The following ICE2 variants were observed in gnomAD, a reference collection of about 807,000 sequenced individuals.
ICE2 encodes the protein interactor of little elongation complex ELL subunit 2.
A neutral mutation model predicts 105.4 loss-of-function variants in ICE2; 87 were observed. That is an observed-to-expected ratio of 0.83 (90% CI 0.69 to 0.99). The LOEUF (loss-of-function observed/expected upper bound fraction) is 0.99, where lower values mean the gene tolerates loss of function less well. Among genes scored for constraint, ICE2 ranks in the 50% least tolerant of loss-of-function variants. The pLI, the probability that ICE2 is intolerant of heterozygous loss-of-function variation, is 0.00. For synonymous variants in ICE2, 399 were observed against 392.0 expected (o/e 1.02, Z -0.21); for missense variants, 1,323 against 1,146.7 (o/e 1.15, Z -2.22).
In ICE2 at chr15:60,453,735, C is replaced by T. The variant is rs146039777; in HGVS notation, c.993G>A (p.Lys331=). Residue 331 remains lysine, a synonymous_variant, in exon 9 of 16, where the codon AAG becomes AAA. Transcript: ENST00000261520. ...GATTTCTCTCTCTCATAGTCATTTT[C>T]TTTTGGGGAAGTGGTGAATTAATAT... The part of the protein sequence containing the change: ...VIYINSPLPQ[K]KMTMRERNQI... 1.4e-5 allele frequency: 22 copies of T among 1,603,664 alleles called. No individual in the cohort carries two copies. In the African/African-American group the frequency reaches 2.0e-4, roughly 15 times the overall value.
Position 60,468,196 on chromosome 15 carries a change from T to A in ICE2, c.273A>T (p.Arg91Ser). Residue 91 changes from arginine (R) to serine (S), a missense_variant, in exon 4 of 16, where the codon AGA becomes AGT. Transcript: ENST00000261520. Reference sequence around the variant, plus strand: ...AACGAGAGAAACGAGGATAAGGAACTCTTGGTTTTGGAAGAAGAACCATTC... The same window carrying A: ...AACGAGAGAAACGAGGATAAGGAACACTTGGTTTTGGAAGAAGAACCATTC... The part of the protein sequence containing the change: ...TIGMVLLPKP[R>S]VPYPRFSRFS... The A allele has an allele frequency of 6.2e-7, 1 of 1,614,104 alleles. No homozygotes were observed. The highest frequency in any genetic ancestry group is 1.1e-5 in the South Asian group (1 of 91,086).
chr15:60,443,774 CA>C (rs1484942278), intron 11 of ICE2, among the ~76,000 whole-genome samples: 1 of 152,124 alleles, frequency 6.6e-6, no homozygotes, highest in Non-Finnish European at 1.5e-5. Context: ...CTCATAACTT[CA>C]GAGCAAATAG....
chr15:60,467,777 T>C (rs546743073), intron 4 of ICE2, among the ~76,000 whole-genome samples: 3 of 152,330 alleles, frequency 2.0e-5, no homozygotes, highest in African/African-American at 7.2e-5. Flanking sequence ...GGAAATGTCT[T>C]AATTGAAATA....
chr15:60,438,428 T>A (rs1265348396), intron 12 of ICE2: 4 of 152,196 alleles, frequency 2.6e-5, no homozygotes, highest in African/African-American at 7.2e-5. Flanking sequence ...CCAGATGGCT[T>A]CCTTCTAAGA....
intron 13 of ICE2, 115 bp downstream of exon 13, chr15:60,436,028 T>C (rs1298362791): frequency 4.0e-6 from 2 of 494,290 alleles, no homozygotes; most frequent in African/African-American, 2.0e-5. Context: ...GAGACCTCTA[T>C]ACATAAAAAG....
Position 60,423,547 on chromosome 15 carries a change from T to C in ICE2, c.*87A>G. ...GCTACTACAGGAAAAATGTTCCTCT[T>C]GCCTACTGATTATTTTCCCTCAAAC... is the stretch of plus-strand genomic sequence containing the variant. On this transcript the variant is annotated 3_prime_UTR_variant, in exon 16 of 16. Transcript: ENST00000261520. The C allele has an allele frequency of 7.7e-7, 1 of 1,290,884 alleles. No individual in the cohort carries two copies. 80.0% of individuals were successfully genotyped at this position (1,290,884 alleles called of 1,614,324 possible). A position where few individuals can be genotyped will look rare whatever the true frequency, so the allele number is the denominator to read the frequency against.
intron 3 of ICE2, among the ~76,000 whole-genome samples, chr15:60,472,887 AAAAGAGAAAGGCTG>A (rs1219969582): frequency 6.6e-6 from 1 of 152,194 alleles, no homozygotes; most frequent in Non-Finnish European, 1.5e-5. Context: ...TTTTAGTGTG[AAAAGAGAAAGGCTG>A]AGAGAAAAGT....
At chr15:60,446,554 C>A (rs1236480282) in intron 11 of ICE2, among the ~76,000 whole-genome samples, 1 of 152,156 alleles carries the variant, frequency 6.6e-6, no homozygotes, top group African/African-American at 2.4e-5. Context: ...TGCCACCATA[C>A]CCGGCTAATT....
At chr15:60,465,248 G>C (rs1423711145) in intron 5 of ICE2, among the ~76,000 whole-genome samples, 2 of 151,774 alleles carry the variant, frequency 1.3e-5, no homozygotes, top group Non-Finnish European at 2.9e-5. Flanking sequence ...CTGGAGTGTA[G>C]CAGCACAATC....
At chr15:60,427,809 G>A (rs1338031879) in intron 15 of ICE2, among the ~76,000 whole-genome samples, 2 of 152,170 alleles carry the variant, frequency 1.3e-5, no homozygotes, top group Non-Finnish European at 2.9e-5. Context: ...CTCTAGCTAT[G>A]GGTTTATAAG....
intron 13 of ICE2, among the ~76,000 whole-genome samples, chr15:60,433,492 CTTTATT>C (rs1014729209): frequency 5.9e-5 from 9 of 151,522 alleles, no homozygotes; most frequent in African/African-American, 1.9e-4. Flanking sequence ...CCCTCCCTCT[CTTTATT>C]TTTATTTTTT....
intron 9 of ICE2, chr15:60,453,396 CTTCCT>C (rs1323365074): frequency 1.5e-5 from 21 of 1,364,612 alleles, no homozygotes; most frequent in Non-Finnish European, 1.6e-5. Flanking sequence ...GTAGGTACTA[CTTCCT>C]TTCATGTATG....
chr15:60,446,884 T>C (rs1053119563), intron 11 of ICE2, among the ~76,000 whole-genome samples: 2 of 152,110 alleles, frequency 1.3e-5, no homozygotes, highest in Non-Finnish European at 2.9e-5. Context: ...TTTTTAAATG[T>C]GTACTGTGAC....
chr15:60,472,334 CAAGAA>C (rs1476623590), intron 3 of ICE2, among the ~76,000 whole-genome samples: 1 of 151,606 alleles, frequency 6.6e-6, no homozygotes, highest in Non-Finnish European at 1.5e-5. Flanking sequence ...TGTTTTTCAA[CAAGAA>C]AACAGTTGTA....
chr15:60,464,633 C>T (rs148202235), intron 5 of ICE2, among the ~76,000 whole-genome samples: 1,912 of 151,372 alleles, frequency 0.013, 17 homozygotes, highest in Non-Finnish European at 0.02. Flanking sequence ...AAGGCCAGTC[C>T]GCAGGTGGGG....
chr15:60,439,129 C>A (rs1163929350), intron 12 of ICE2: 1 of 152,126 alleles, frequency 6.6e-6, no homozygotes, highest in Non-Finnish European at 1.5e-5. Context: ...CAGGCTGAAA[C>A]CCTACAATTG....
chr15:60,439,379 T>C (rs2063669768), intron 12 of ICE2: 1 of 152,220 alleles, frequency 6.6e-6, no homozygotes, highest in Non-Finnish European at 1.5e-5. Flanking sequence ...TCTTTTCTTT[T>C]TCTTTTTTTT....
At chr15:60,429,712 G>A (rs1163896160) in intron 14 of ICE2, among the ~76,000 whole-genome samples, 2 of 152,072 alleles carry the variant, frequency 1.3e-5, no homozygotes, top group Non-Finnish European at 2.9e-5. Flanking sequence ...TTTTTAAACT[G>A]AAAATAGGTG....
At chr15:60,466,806 A>T in intron 4 of ICE2, 93 bp from the exon 5 acceptor site, 1 of 1,071,772 alleles carries the variant, frequency 9.3e-7, no homozygotes, top group Non-Finnish European at 1.3e-6. Context: ...TTGGACTTAA[A>T]GAATAATTAA....
Sources: gnomAD v4.1 joint callset for allele counts (sites outside exome capture counted in the v4.1 genomes callset) on GRCh38, gnomAD v4.1.1 for gene constraint, MANE v1.5 for transcripts, NCBI Gene and HGNC (gene_info 2026-07-23, HGNC 2026-07-21) for gene names.